The following RIMBP2 variants were observed in gnomAD, a reference collection of about 807,000 sequenced individuals.
RIMBP2 encodes the protein RIMS-binding protein 2.
RIMBP2 carries 48 observed loss-of-function variants against 118.6 expected under a neutral mutation model. The ratio of observed to expected loss-of-function variants is 0.40; its 90% CI spans 0.32 to 0.51. The LOEUF (loss-of-function observed/expected upper bound fraction) is 0.51, where lower values mean the gene tolerates loss of function less well. Among genes scored for constraint, RIMBP2 ranks in the 20% least tolerant of loss-of-function variants. The probability of loss-of-function intolerance (pLI) is 0.41; values close to 1 mark genes in which losing one functional copy is unlikely to be tolerated. For synonymous variants in RIMBP2, 762 were observed against 742.9 expected (o/e 1.03, Z -0.42); for missense variants, 1,551 against 1,768.3 (o/e 0.88, Z 2.20).
At chr12:130,423,279 G>C (rs908093119) in intron 16 of RIMBP2, among the ~76,000 whole-genome samples, 1 of 152,198 alleles carries the variant, frequency 6.6e-6, no homozygotes, top group Non-Finnish European at 1.5e-5. Context: ...GGGATGAGGC[G>C]TGTCTGCTGC....
intron 6 of RIMBP2, among the ~76,000 whole-genome samples, chr12:130,458,638 C>T (rs1006459365): frequency 6.6e-6 from 1 of 152,194 alleles, no homozygotes; most frequent in Non-Finnish European, 1.5e-5. Flanking sequence ...GCGGAGCCTT[C>T]CCAGGGTGTG....
chr12:130,617,248 G>C lies in RIMBP2; in HGVS notation c.-217+11074C>G, dbSNP rs1006446585. On this transcript the variant is annotated intron_variant, in intron 2 of 22. Transcript: ENST00000690449. The surrounding 1 kb of genome is among the most constrained non-coding windows in gnomAD (Gnocchi z 4.6). ...AAGGGATGCAAGGCTTAGGGAACTA[G>C]AGCCCAGGCCCACGCCCTGCAGCTG... Among the ~76,000 whole-genome samples, 2 of 150,466 alleles carry C rather than the reference G, an allele frequency of 1.3e-5. No individual in the cohort carries two copies. Among genetic ancestry groups the C allele is most frequent in the African/African-American group, 4.9e-5 (2 of 40,886 alleles).
At chr12:130,699,120 A>T (rs1282299490) in intron 1 of RIMBP2, among the ~76,000 whole-genome samples, 1 of 152,186 alleles carries the variant, frequency 6.6e-6, no homozygotes, top group Non-Finnish European at 1.5e-5. Context: ...ACACTTTTAC[A>T]CTGTTGGTGG....
chr12:130,546,700 AG>A (rs2055210548), intron 2 of RIMBP2, among the ~76,000 whole-genome samples: 1 of 152,222 alleles, frequency 6.6e-6, no homozygotes, highest in Non-Finnish European at 1.5e-5. Context: ...CATGTCTAGA[AG>A]AAGGCCGGTA....
rs1391964227 is a variant in RIMBP2, at chr12:130,716,250, G to A, written c.-380C>T. The A allele has an allele frequency of 6.6e-6, 1 of 151,552 alleles. No individual in the cohort carries two copies. The highest frequency in any genetic ancestry group is 2.4e-5 in the African/African-American group (1 of 41,208). 9.4% of individuals were successfully genotyped at this position (151,552 alleles called of 1,614,324 possible). A position where few individuals can be genotyped will look rare whatever the true frequency, so the allele number is the denominator to read the frequency against. On this transcript the variant is annotated 5_prime_UTR_variant, in exon 1 of 23. Transcript: ENST00000690449. The stretch of plus-strand genomic sequence containing the variant: ...TAGAAGCGAGCTGTGCCAAGGCTCC[G>A]GAGGTTCACCTCGGAGACAACTGCA...
chr12:130,692,850 A>ATGGGG (rs2065379253), intron 1 of RIMBP2, among the ~76,000 whole-genome samples: 1 of 80,890 alleles, frequency 1.2e-5, no homozygotes, highest in African/African-American at 4.9e-5. Context: ...ATGGGATGGG[A>ATGGGG]TAGGGTAGGG....
At chr12:130,666,829 GGGAGGGAGGGAGAGAAT>G (rs1173699805) in intron 1 of RIMBP2, among the ~76,000 whole-genome samples, 1 of 141,622 alleles carries the variant, frequency 7.1e-6, no homozygotes, top group Non-Finnish European at 1.5e-5. Context: ...GATGGAAGAA[GGGAGGGAGGGAGAGAAT>G]GGAGGGAGGA....
chr12:130,595,260 T>G (rs1593958323), intron 2 of RIMBP2, among the ~76,000 whole-genome samples: 1 of 152,280 alleles, frequency 6.6e-6, no homozygotes, highest in East Asian at 1.9e-4. Flanking sequence ...AAACTCAGAC[T>G]ATTAAAACTT....
chr12:130,462,489 G>A (rs770111816), intron 6 of RIMBP2, among the ~76,000 whole-genome samples: 6 of 152,076 alleles, frequency 3.9e-5, no homozygotes, highest in Non-Finnish European at 5.9e-5. Context: ...TGGGAGAAAC[G>A]GGCATTCGTT....
chr12:130,495,399 GGCCACT>G (rs1162767628), intron 4 of RIMBP2, among the ~76,000 whole-genome samples: 3 of 151,466 alleles, frequency 2.0e-5, no homozygotes, highest in African/African-American at 7.3e-5. Context: ...TGCTTGGTCA[GGCCACT>G]GTCATCACGT....
chr12:130,690,835 C>A (rs1332735035), intron 1 of RIMBP2, among the ~76,000 whole-genome samples: 1 of 152,100 alleles, frequency 6.6e-6, no homozygotes, highest in African/African-American at 2.4e-5. Flanking sequence ...GCAGAGAGAA[C>A]CCAATAGCCC....
intron 2 of RIMBP2, among the ~76,000 whole-genome samples, chr12:130,519,881 T>C (rs1164684819): frequency 3.3e-5 from 5 of 152,192 alleles, no homozygotes; most frequent in African/African-American, 1.2e-4. Flanking sequence ...CCCTAGCAGA[T>C]GTTGTGAGGA....
chr12:130,456,805 CACGTGTGT>C, intron 6 of RIMBP2, 105 bp from the exon 7 acceptor site: 1 of 774,224 alleles, frequency 1.3e-6, no homozygotes. Context: ...GCACTGTGTG[CACGTGTGT>C]ACACACGTGT....
At position 130,589,222 on chromosome 12, in the gene RIMBP2, C is replaced by T. The variant is rs185487228; in HGVS notation, c.-217+39100G>A. Among the ~76,000 whole-genome samples, 4 of 152,298 alleles carry T rather than the reference C, an allele frequency of 2.6e-5. No individual in the cohort carries two copies. The East Asian group carries it at 5.8e-4, about 22-fold the overall frequency. On this transcript the variant is annotated intron_variant, in intron 2 of 22. Transcript: ENST00000690449. ...AACCCAATTAATTCCAGCAAAGTAA[C>T]GTGGGCTCTTTCATCAAAAGATTCT...
In RIMBP2 at chr12:130,437,225, C is replaced by G. The variant is rs1173179527; in HGVS notation, c.1723G>C (p.Glu575Gln). Residue 575 changes from glutamate (E) to glutamine (Q), a missense_variant, in exon 13 of 23, where the codon GAG (glutamate) becomes CAG (glutamine). Physicochemically the swap from Glu to Gln is conservative, Grantham distance 29. Around this residue, in one of 5 missense-constraint regions of RIMBP2, gnomAD observed 1,038 missense variants for 1,125.1 expected, o/e 0.92. Transcript: ENST00000690449. ...GTCCGCACGGTCACGCCCTTGGCCT[C>G]CAGGCTCCGCAGCCGCACAAGCTCC... ...AVELVRLRSL[E>Q]AKGVTVRTLS... 6 of 1,584,674 alleles carry G rather than the reference C, an allele frequency of 3.8e-6. No individual in the cohort carries two copies. The Admixed American group carries it at 7.0e-5, about 18-fold the overall frequency.
At chr12:130,509,927 G>A (rs1206405864) in intron 3 of RIMBP2, among the ~76,000 whole-genome samples, 1 of 152,230 alleles carries the variant, frequency 6.6e-6, no homozygotes, top group Non-Finnish European at 1.5e-5. Context: ...AGTTTGGGGA[G>A]GAATCGATTC....
intron 2 of RIMBP2, among the ~76,000 whole-genome samples, chr12:130,552,883 T>C (rs577735969): frequency 3.3e-5 from 5 of 152,276 alleles, no homozygotes; most frequent in African/African-American, 9.6e-5. Context: ...CCGGGCGTGG[T>C]GGCTCACACC....
chr12:130,627,216 T>C (rs1367891557), intron 2 of RIMBP2, among the ~76,000 whole-genome samples: 1 of 152,246 alleles, frequency 6.6e-6, no homozygotes, highest in Non-Finnish European at 1.5e-5. Context: ...CAGACTCATT[T>C]GCCAAGCCCA....
intron 1 of RIMBP2, chr12:130,657,811 A>G (rs1313814943): frequency 1.3e-5 from 2 of 152,288 alleles, no homozygotes; most frequent in African/African-American, 4.8e-5. Flanking sequence ...CAAACATTTT[A>G]TCTCGTTTCA....
Sources: allele counts gnomAD v4.1 joint callset (sites outside exome capture counted in the v4.1 genomes callset), GRCh38; gene constraint gnomAD v4.1.1; regional missense constraint gnomAD v4.1.1; non-coding constraint Gnocchi (gnomAD v3.1); transcripts MANE v1.5; gene names NCBI Gene and HGNC (gene_info 2026-07-23, HGNC 2026-07-21).